Variants in PLEKHH1 observed in about 807,000 individuals in gnomAD.
The protein encoded by PLEKHH1 is pleckstrin homology, MyTH4 and FERM domain containing H1.
Under a neutral mutation model 160.0 loss-of-function variants are expected in PLEKHH1, and 104 were observed. The observed-to-expected ratio is 0.65, with a 90% confidence interval of 0.55 to 0.76. The LOEUF (loss-of-function observed/expected upper bound fraction) is 0.76, where lower values mean the gene tolerates loss of function less well. PLEKHH1 is among the 30% of genes least tolerant of loss of function. The pLI is 0.00. For missense variants in PLEKHH1, 1,427 were observed against 1,724.1 expected (o/e 0.83, Z 3.05); for synonymous variants, 619 against 678.4 (o/e 0.91, Z 1.36).
intron 1 of PLEKHH1, among the ~76,000 whole-genome samples, chr14:67,535,250 G>T (rs2033659843): frequency 6.6e-6 from 1 of 152,034 alleles, no homozygotes; most frequent in Admixed American, 6.6e-5. Context: ...CTGAAGTACA[G>T]GCATGGGAAG....
At chr14:67,565,750 T>A (rs142099758) in intron 7 of PLEKHH1, among the ~76,000 whole-genome samples, 1 of 152,094 alleles carries the variant, frequency 6.6e-6, no homozygotes, top group Non-Finnish European at 1.5e-5. Context: ...GGGGGTGACA[T>A]CAGGGTGGAC....
At chr14:67,535,328 T>A (rs2033663067) in intron 1 of PLEKHH1, among the ~76,000 whole-genome samples, 1 of 143,538 alleles carries the variant, frequency 7.0e-6, no homozygotes, top group African/African-American at 2.5e-5. Context: ...TCATATGACC[T>A]CCTCTCCAGA....
At chr14:67,566,781 A>G (rs574597175) in intron 7 of PLEKHH1, among the ~76,000 whole-genome samples, 5 of 150,224 alleles carry the variant, frequency 3.3e-5, no homozygotes, top group Admixed American at 6.6e-5. Flanking sequence ...GGTCTTCTCT[A>G]TCTGAACAGG....
At chr14:67,577,189 T>C in intron 17 of PLEKHH1, 113 bp from the exon 18 acceptor site, 1 of 726,226 alleles carries the variant, frequency 1.4e-6, no homozygotes, top group Non-Finnish European at 2.4e-6. Context: ...AACCCAAGTG[T>C]TGACGGAAGA....
chr14:67,586,226 G>A lies in PLEKHH1; in HGVS notation c.3933+129G>A, dbSNP rs779383161. On this transcript the variant is annotated intron_variant, in intron 28 of 28. Transcript: ENST00000329153. ...CCAGATAAAATTGTTGGTCTTGTCT[G>A]TAATTAGTATTCCAAAGGTTCAGGT... 7 of 1,200,022 alleles carry A rather than the reference G, an allele frequency of 5.8e-6. No homozygotes were observed. The East Asian group carries it at 1.2e-4, about 20-fold the overall frequency. 74.3% of individuals were successfully genotyped at this position (1,200,022 alleles called of 1,614,324 possible). A position where few individuals can be genotyped will look rare whatever the true frequency, so the allele number is the denominator to read the frequency against.
chr14:67,565,990 C>G (rs546581801), intron 7 of PLEKHH1, among the ~76,000 whole-genome samples: 1 of 152,058 alleles, frequency 6.6e-6, no homozygotes, highest in Non-Finnish European at 1.5e-5. Context: ...CATGGTGGTG[C>G]ACGCCTATAG....
chr14:67,557,468 T>C (rs2034641935), intron 4 of PLEKHH1, 50 bp downstream of exon 4: 1 of 1,571,606 alleles, frequency 6.4e-7, no homozygotes, highest in East Asian at 2.2e-5. Context: ...ACATCTGTAC[T>C]GCTGGCCCCC....
chr14:67,575,526 G>A, intron 15 of PLEKHH1, 54 bp downstream of exon 15: 1 of 1,125,918 alleles, frequency 8.9e-7, no homozygotes, highest in African/African-American at 1.5e-5. Context: ...CGAAGCACAT[G>A]ACTGCCACTC....
chr14:67,546,437 T>C (rs1157365349), intron 2 of PLEKHH1, among the ~76,000 whole-genome samples: 2 of 152,200 alleles, frequency 1.3e-5, no homozygotes, highest in Non-Finnish European at 2.9e-5. Context: ...GTTTCTCTCT[T>C]GTTGCCCCGG....
At chr14:67,555,653 G>A (rs1012321082) in intron 2 of PLEKHH1, among the ~76,000 whole-genome samples, 172 bp from the exon 3 acceptor site, 4 of 152,192 alleles carry the variant, frequency 2.6e-5, no homozygotes, top group Admixed American at 2.0e-4. Flanking sequence ...CAGGATTAGG[G>A]AGCTGAGAGT....
Position 67,586,046 on chromosome 14 carries a change from C to G in PLEKHH1, c.3882C>G (p.Ser1294Arg). The G allele has an allele frequency of 6.2e-7, 1 of 1,613,874 alleles. No homozygotes were observed. The highest frequency in any genetic ancestry group is 8.5e-7 in the Non-Finnish European group (1 of 1,179,800). The change falls in exon 28 of 29, where the codon AGC becomes AGG. Residue 1294 changes from serine to arginine, a missense_variant. Ser to Arg is a moderately radical substitution (Grantham distance 110). Around this residue, in one of 6 missense-constraint regions of PLEKHH1, gnomAD observed 96 missense variants for 97.6 expected, o/e 0.98. Transcript: ENST00000329153. ...MLVIRSIPDKSSGKSHIEKLI... is the reference protein window; with the variant it reads ...MLVIRSIPDKRSGKSHIEKLI... ...TGATTAGATCTATCCCAGACAAGAG[C>G]TCTGGAAAAAGCCACATTGAGAAGT...
At chr14:67,577,544 A>G (rs997289430) in intron 18 of PLEKHH1, 130 bp downstream of exon 18, 5 of 644,066 alleles carry the variant, frequency 7.8e-6, no homozygotes, top group Non-Finnish European at 1.4e-5. Flanking sequence ...CAGGGTCCCT[A>G]TCACTTCCTG....
rs1198218520 is a variant in PLEKHH1 at position 67,553,195 on chromosome 14, A to G, written c.127-2630A>G. Among the ~76,000 whole-genome samples the G allele has an allele frequency of 3.9e-5, 6 of 152,216 alleles. No homozygotes were observed. In the East Asian group the frequency reaches 1.2e-3, roughly 29 times the overall value. ...TCACAAATATGAATTATCATTTCTA[A>G]TGGAAAGCCTATGCCTTCTTCTGAG... is the stretch of plus-strand genomic sequence containing the variant. On this transcript the variant is annotated intron_variant, in intron 2 of 28. Coordinates refer to ENST00000329153, the MANE Select transcript of PLEKHH1 (RefSeq NM_020715.3).
chr14:67,542,025 C>T (rs1300785411), intron 2 of PLEKHH1, 32 bp downstream of exon 2: 6 of 1,567,780 alleles, frequency 3.8e-6, no homozygotes, highest in Non-Finnish European at 5.2e-6. Context: ...GCTGCCTCTC[C>T]ACACGCAGAG....
At chr14:67,546,426 A>C (rs2034184125) in intron 2 of PLEKHH1, among the ~76,000 whole-genome samples, 1 of 152,082 alleles carries the variant, frequency 6.6e-6, no homozygotes, top group Non-Finnish European at 1.5e-5. Context: ...TTTGAGACAA[A>C]GTTTCTCTCT....
chr14:67,585,870 T>C (rs1383127486), intron 27 of PLEKHH1, 81 bp from the exon 28 acceptor site: 1 of 1,439,922 alleles, frequency 6.9e-7, no homozygotes, highest in Non-Finnish European at 9.5e-7. Flanking sequence ...TTCCTGTGCC[T>C]AGAAGAGACA....
intron 2 of PLEKHH1, among the ~76,000 whole-genome samples, chr14:67,543,574 G>A (rs1838922691): frequency 6.6e-6 from 1 of 152,108 alleles, no homozygotes; most frequent in Non-Finnish European, 1.5e-5. Context: ...AGTCTCCTGG[G>A]GGGTTGCTAA....
rs1179984127 is a variant in PLEKHH1, at chr14:67,572,238, C to T, written c.1689C>T (p.Arg563=). Reference sequence around the variant, plus strand: ...CAGAGCCTGAGCACAAACTGCAGCGCACCTCATCCTACTCCACCGACGGGC... The same window carrying T: ...CAGAGCCTGAGCACAAACTGCAGCGTACCTCATCCTACTCCACCGACGGGC... ...DYSEPEHKLQ[R]TSSYSTDGLG... The change falls in exon 11 of 29, where the codon CGC becomes CGT. Residue 563 remains arginine (R), a synonymous_variant. Transcript: ENST00000329153. 1 of 1,608,196 alleles carries T rather than the reference C, an allele frequency of 6.2e-7. No individual in the cohort carries two copies. The highest frequency in any genetic ancestry group is 1.1e-5 in the South Asian group (1 of 89,784).
At position 67,554,470 on chromosome 14, in the gene PLEKHH1, C is replaced by T. The variant is rs1418692211; in HGVS notation, c.127-1355C>T. Among the ~76,000 whole-genome samples the T allele has an allele frequency of 6.6e-5, 10 of 152,192 alleles. No homozygotes were observed. The East Asian group carries it at 1.9e-3, about 29-fold the overall frequency. On this transcript the variant is annotated intron_variant, in intron 2 of 28. Transcript: ENST00000329153. ...GGAAGGCGTGGCTGGGATGCAACGC[C>T]TCTGGGACATGTATGATGCATATGT...
Sources: gnomAD v4.1 joint callset for allele counts (sites outside exome capture counted in the v4.1 genomes callset) on GRCh38, gnomAD v4.1.1 for gene constraint, gnomAD v4.1.1 regional missense constraint, MANE v1.5 for transcripts, NCBI Gene and HGNC (gene_info 2026-07-23, HGNC 2026-07-21) for gene names.